SYT10: variants seen among roughly 807,000 people sequenced by gnomAD.
SYT10 encodes the protein synaptotagmin-10.
SYT10 carries 31 observed loss-of-function variants against 51.1 expected under a neutral mutation model. The observed-to-expected ratio is 0.61, with a 90% CI of 0.46 to 0.82. SYT10 has a LOEUF of 0.82. Ranked by LOEUF, SYT10 falls within the 40% of genes least tolerant of loss-of-function variation. The probability of loss-of-function intolerance (pLI) is 0.00; values close to 1 mark genes in which losing one functional copy is unlikely to be tolerated. For synonymous variants in SYT10, 233 were observed against 225.9 expected (o/e 1.03, Z -0.28); for missense variants, 603 against 634.0 (o/e 0.95, Z 0.53).
At chr12:33,407,425 A>G (rs1866368863) in intron 2 of SYT10, 69 bp from the exon 3 acceptor site, 3 of 1,505,092 alleles carry the variant, frequency 2.0e-6, no homozygotes, top group Non-Finnish European at 1.8e-6. Context: ...ATACAGTGAC[A>G]TATAAACTCT....
intron 3 of SYT10, among the ~76,000 whole-genome samples, chr12:33,398,310 G>C (rs1211966931): frequency 2.0e-5 from 3 of 151,906 alleles, no homozygotes; most frequent in Non-Finnish European, 4.4e-5. Flanking sequence ...TCAGGAGATC[G>C]AGACCATCCT....
In SYT10 at chr12:33,426,330, T is replaced by C. The variant is rs868136565; in HGVS notation, c.317A>G (p.Glu106Gly). The C allele has an allele frequency of 5.6e-6, 9 of 1,614,104 alleles. No individual in the cohort carries two copies. The highest frequency in any genetic ancestry group is 7.6e-6 in the Non-Finnish European group (9 of 1,180,020). The change falls in exon 2 of 7, where the codon GAA (glutamate) becomes GGA (glycine). Residue 106 changes from glutamate to glycine, a missense_variant. Glu to Gly is a moderately conservative substitution (Grantham distance 98). Transcript: ENST00000228567. Reference sequence around the variant, plus strand: ...TTTTTTCTCTTCAGTCTCAAAAACTTCAGTAGGAGCACTTGAAATGCTCTG... The same window carrying C: ...TTTTTTCTCTTCAGTCTCAAAAACTCCAGTAGGAGCACTTGAAATGCTCTG... ...LPQSISSAPT[E>G]VFETEEKKEI... is the part of the protein sequence containing the mutation.
intron 1 of SYT10, among the ~76,000 whole-genome samples, chr12:33,436,678 T>C (rs1866640722): frequency 6.6e-6 from 1 of 152,250 alleles, no homozygotes; most frequent in African/African-American, 2.4e-5. Context: ...ATATCTTACA[T>C]ATATACATGA....
At chr12:33,421,677 C>T (rs192357992) in intron 2 of SYT10, among the ~76,000 whole-genome samples, 29 of 152,110 alleles carry the variant, frequency 1.9e-4, no homozygotes, top group South Asian at 8.3e-4. Context: ...GGGTTACACA[C>T]GCTTAGATGC....
At chr12:33,387,270 AC>A (rs536363983) in intron 3 of SYT10, among the ~76,000 whole-genome samples, 30 of 152,210 alleles carry the variant, frequency 2.0e-4, no homozygotes, top group Middle Eastern at 3.4e-3. Flanking sequence ...TTTGTGTTTG[AC>A]CCCCAGTTTT....
Position 33,401,723 on chromosome 12 carries a change from T to A in SYT10, c.1077+5066A>T, listed in dbSNP as rs530457792. The stretch of plus-strand genomic sequence containing the variant: ...GTACACCTAAGCATATCCTTGTTTA[T>A]TTGTAATCAATAGGGTACAACATCC... On this transcript the variant is annotated intron_variant, in intron 3 of 6. Coordinates refer to ENST00000228567, the MANE Select transcript of SYT10 (RefSeq NM_198992.4). 9.8e-5 allele frequency among the ~76,000 whole-genome samples: 15 copies of A among 152,324 alleles called. No homozygotes were observed. In the East Asian group the frequency reaches 2.9e-3, roughly 29 times the overall value.
chr12:33,412,844 G>A (rs192602421), intron 2 of SYT10, among the ~76,000 whole-genome samples: 7 of 152,278 alleles, frequency 4.6e-5, no homozygotes, highest in African/African-American at 1.7e-4. Flanking sequence ...GAAAGATTTG[G>A]ATGAATTGAG....
chr12:33,385,602 G>T (rs540568229), intron 3 of SYT10, among the ~76,000 whole-genome samples: 1 of 152,090 alleles, frequency 6.6e-6, no homozygotes, highest in Non-Finnish European at 1.5e-5. Context: ...TCAACAAACG[G>T]CATCATAATT....
At chr12:33,415,974 T>A (rs1866449736) in intron 2 of SYT10, among the ~76,000 whole-genome samples, 2 of 152,218 alleles carry the variant, frequency 1.3e-5, no homozygotes, top group Admixed American at 6.5e-5. Flanking sequence ...ATTTCGTATG[T>A]GTTCCTCTCA....
chr12:33,415,841 A>G (rs1422808560), intron 2 of SYT10, among the ~76,000 whole-genome samples: 1 of 152,242 alleles, frequency 6.6e-6, no homozygotes, highest in East Asian at 1.9e-4. Context: ...GGGAGAGTAA[A>G]CTGTATAAAA....
In SYT10 at chr12:33,375,521, C is replaced by G. The variant is rs1866055047; in HGVS notation, c.*1309G>C. 2 of 151,752 alleles carry G rather than the reference C, an allele frequency of 1.3e-5. No individual in the cohort carries two copies. Among genetic ancestry groups the G allele is most frequent in the Non-Finnish European group, 2.9e-5 (2 of 67,912 alleles). The allele number at this position is 151,752 out of a possible 1,614,324, so 9.4% of individuals were successfully genotyped here. A position where few individuals can be genotyped will look rare whatever the true frequency, so the allele number is the denominator to read the frequency against. On this transcript the variant is annotated 3_prime_UTR_variant, in exon 7 of 7. Coordinates refer to ENST00000228567, the MANE Select transcript of SYT10 (RefSeq NM_198992.4). ...GGGGTAATTCAGTATAGATACCTTC[C>G]AACAGGGCCTGAAAATGGGACAAAA...
chr12:33,391,256 T>A (rs1400515649), intron 3 of SYT10, among the ~76,000 whole-genome samples: 2 of 152,176 alleles, frequency 1.3e-5, no homozygotes, highest in African/African-American at 2.4e-5. Context: ...TATTTTATTT[T>A]TTTTTATCTT....
At chr12:33,432,037 C>G (rs1429674385) in intron 1 of SYT10, among the ~76,000 whole-genome samples, 1 of 152,088 alleles carries the variant, frequency 6.6e-6, no homozygotes, top group Non-Finnish European at 1.5e-5. Context: ...TCAGAAGAAT[C>G]AGACTCAGAA....
At chr12:33,425,533 C>T (rs1004751755) in intron 2 of SYT10, among the ~76,000 whole-genome samples, 1 of 152,134 alleles carries the variant, frequency 6.6e-6, no homozygotes, top group Admixed American at 6.5e-5. Flanking sequence ...ATGTACACTC[C>T]TCCATATGCC....
At chr12:33,380,021 CA>C in intron 5 of SYT10, 60 bp from the exon 6 acceptor site, 3 of 1,519,228 alleles carry the variant, frequency 2.0e-6, no homozygotes, top group Non-Finnish European at 2.7e-6. Flanking sequence ...GGGGGTTTCA[CA>C]AATCGTAGTA....
intron 3 of SYT10, among the ~76,000 whole-genome samples, chr12:33,385,942 G>A (rs1866152996): frequency 6.6e-6 from 1 of 152,216 alleles, no homozygotes; most frequent in African/African-American, 2.4e-5. Flanking sequence ...TGGCATGTAA[G>A]TGGAATAACT....
chr12:33,379,745 A>G, intron 6 of SYT10, 87 bp downstream of exon 6: 4 of 1,517,830 alleles, frequency 2.6e-6, no homozygotes, highest in South Asian at 2.5e-5. Flanking sequence ...GTGAATACAT[A>G]AAATATCAGA....
At chr12:33,417,876 A>G (rs1032179533) in intron 2 of SYT10, among the ~76,000 whole-genome samples, 4 of 152,234 alleles carry the variant, frequency 2.6e-5, no homozygotes. Context: ...TCAAAGATAT[A>G]GGAATTATGA....
intron 3 of SYT10, among the ~76,000 whole-genome samples, chr12:33,397,409 C>T (rs2138403350): frequency 6.6e-6 from 1 of 152,168 alleles, no homozygotes; most frequent in African/African-American, 2.4e-5. Context: ...AGAAAAAAGG[C>T]CTGCTTTGAG....
Sources: allele counts gnomAD v4.1 joint callset (sites outside exome capture counted in the v4.1 genomes callset), GRCh38; gene constraint gnomAD v4.1.1; transcripts MANE v1.5; gene names NCBI Gene and HGNC (gene_info 2026-07-23, HGNC 2026-07-21).